The following PPFIBP1 variants were observed in gnomAD, a reference collection of about 807,000 sequenced individuals.
PPFIBP1 encodes the protein PPFIB scaffold protein 1.
PPFIBP1 carries 112 observed loss-of-function variants against 137.8 expected under a neutral mutation model. The ratio of observed to expected loss-of-function variants is 0.81; its 90% CI spans 0.70 to 0.95. The LOEUF is 0.95. Ranked by LOEUF, PPFIBP1 falls within the 40% of genes least tolerant of loss-of-function variation. The pLI is 0.00. For missense variants in PPFIBP1, 1,083 were observed against 1,196.6 expected, an observed-to-expected ratio of 0.91 and a Z score of 1.40; for synonymous variants, 378 against 417.3, an observed-to-expected ratio of 0.91 and a Z score of 1.15.
rs757359273 is a variant in PPFIBP1 at position 27,691,925 on chromosome 12, G to T, written c.2862G>T (p.Glu954Asp). The change falls in exon 28 of 30, where the codon GAG becomes GAT. Residue 954 changes from glutamate to aspartate, a missense_variant. Glu to Asp is a conservative substitution (Grantham distance 45). Coordinates refer to ENST00000228425, the MANE Select transcript of PPFIBP1 (RefSeq NM_003622.4). ...AGGAAGATGATTTGGACCGGTTAGAGCAGGTAAATCCAACACTGTATAACT... is the reference window on the plus strand; with the variant it reads ...AGGAAGATGATTTGGACCGGTTAGATCAGGTAAATCCAACACTGTATAACT... ...LYEEDDLDRL[E>D]QMEDSEGTVR... The T allele has an allele frequency of 2.2e-5, 35 of 1,606,098 alleles. No homozygotes were observed. Among genetic ancestry groups the T allele is most frequent in the Non-Finnish European group, 2.9e-5 (34 of 1,177,200 alleles).
chr12:27,632,971 A>G (rs1592995628), intron 2 of PPFIBP1, among the ~76,000 whole-genome samples: 1 of 152,190 alleles, frequency 6.6e-6, no homozygotes. Flanking sequence ...ACAAAAATAA[A>G]TGAAATTAAG....
Position 27,691,791 on chromosome 12 carries a change from A to G in PPFIBP1, c.2728A>G (p.Lys910Glu), listed in dbSNP as rs1466045039. The G allele has an allele frequency of 1.2e-6, 2 of 1,612,102 alleles. No homozygotes were observed. The highest frequency in any genetic ancestry group is 1.7e-6 in the Non-Finnish European group (2 of 1,179,340). The change falls in exon 28 of 30, where the codon AAG (lysine) becomes GAG (glutamate). Residue 910 changes from lysine (K) to glutamate (E), a missense_variant. Physicochemically the swap from Lys to Glu is moderately conservative, Grantham distance 56 (BLOSUM62 1). Coordinates refer to ENST00000228425, the MANE Select transcript of PPFIBP1 (RefSeq NM_003622.4). ...AFSNFGNLRKKKQEDGEEYVC... is the reference protein window; with the variant it reads ...AFSNFGNLRKEKQEDGEEYVC... Reference sequence around the variant, plus strand: ...TAGCAATTTTGGGAATTTGAGAAAGAAGAAACAGGAAGATGGTGAAGAATA... The same window carrying G: ...TAGCAATTTTGGGAATTTGAGAAAGGAGAAACAGGAAGATGGTGAAGAATA...
chr12:27,605,590 C>T (rs1244214398), intron 2 of PPFIBP1, among the ~76,000 whole-genome samples: 1 of 152,000 alleles, frequency 6.6e-6, no homozygotes, highest in Non-Finnish European at 1.5e-5. Context: ...TATAATTTCA[C>T]TCTAAAATAA....
chr12:27,591,200 T>G (rs1474627387), intron 2 of PPFIBP1, among the ~76,000 whole-genome samples: 1 of 151,166 alleles, frequency 6.6e-6, no homozygotes, highest in African/African-American at 2.4e-5. Context: ...GGAATTGAAA[T>G]TGAGGAAAGG....
At chr12:27,576,309 A>G (rs1179725131) in intron 1 of PPFIBP1, among the ~76,000 whole-genome samples, 2 of 152,340 alleles carry the variant, frequency 1.3e-5, no homozygotes, top group East Asian at 1.9e-4. Context: ...AACCTTGCAC[A>G]TGGAATTCCC....
intron 1 of PPFIBP1, among the ~76,000 whole-genome samples, chr12:27,533,734 G>A (rs908981830): frequency 2.0e-5 from 3 of 152,168 alleles, no homozygotes; most frequent in African/African-American, 4.8e-5. Flanking sequence ...TGAGCTCCCC[G>A]AACAAGAGTA....
chr12:27,573,176 A>G (rs1459926270), intron 1 of PPFIBP1, among the ~76,000 whole-genome samples: 3 of 152,230 alleles, frequency 2.0e-5, no homozygotes, highest in Admixed American at 2.0e-4. Flanking sequence ...ATTTGAAAGA[A>G]TCTGTTATTT....
intron 1 of PPFIBP1, chr12:27,552,645 A>T (rs1565754486): frequency 6.6e-6 from 1 of 152,198 alleles, no homozygotes; most frequent in Non-Finnish European, 1.5e-5. Flanking sequence ...AGACCATCTG[A>T]CAACTCGGAA....
At chr12:27,546,202 T>C (rs1946228719) in intron 1 of PPFIBP1, among the ~76,000 whole-genome samples, 2 of 152,126 alleles carry the variant, frequency 1.3e-5, no homozygotes, top group African/African-American at 2.4e-5. Context: ...CAGATTGTTG[T>C]GGGAAAGAAG....
chr12:27,596,262 T>G (rs1363950753), intron 2 of PPFIBP1, among the ~76,000 whole-genome samples: 1 of 152,226 alleles, frequency 6.6e-6, no homozygotes, highest in Non-Finnish European at 1.5e-5. Context: ...TGACTCAGTC[T>G]CACTTTTTTC....
At chr12:27,674,120 T>G (rs2060360195) in intron 16 of PPFIBP1, 72 bp from the exon 17 acceptor site, 3 of 1,152,286 alleles carry the variant, frequency 2.6e-6, no homozygotes, top group Non-Finnish European at 3.8e-6. Context: ...CTTATGGAGT[T>G]GTATGTGACA....
intron 2 of PPFIBP1, among the ~76,000 whole-genome samples, chr12:27,625,543 T>C (rs2056742080): frequency 6.6e-6 from 1 of 151,742 alleles, no homozygotes; most frequent in Non-Finnish European, 1.5e-5. Flanking sequence ...TTTCCAGTTA[T>C]ATCATCCATT....
intron 7 of PPFIBP1, among the ~76,000 whole-genome samples, chr12:27,654,215 C>T (rs2059056116): frequency 6.6e-6 from 1 of 152,148 alleles, no homozygotes; most frequent in African/African-American, 2.4e-5. Context: ...TCATTTCATT[C>T]TCCCATATTG....
At position 27,679,891 on chromosome 12, in the gene PPFIBP1, C is replaced by T. The variant is rs1271766642; in HGVS notation, c.1767-42C>T. ...ATGTTCTGATTAACAAGTCTAAGGCCTCCTCAGGTCTAATACTGGCCATGT... is the reference window on the plus strand; with the variant it reads ...ATGTTCTGATTAACAAGTCTAAGGCTTCCTCAGGTCTAATACTGGCCATGT... On this transcript the variant is annotated intron_variant, in intron 20 of 29. Coordinates refer to ENST00000228425, the MANE Select transcript of PPFIBP1 (RefSeq NM_003622.4). 3 of 1,608,244 alleles carry T rather than the reference C, an allele frequency of 1.9e-6. No homozygotes were observed. The Admixed American group carries it at 5.0e-5, about 27-fold the overall frequency.
At chr12:27,550,927 T>G (rs1358473739) in intron 1 of PPFIBP1, among the ~76,000 whole-genome samples, 1 of 151,288 alleles carries the variant, frequency 6.6e-6, no homozygotes, top group Admixed American at 6.6e-5. Context: ...ATCACTCACT[T>G]ACTCTGTGGC....
intron 24 of PPFIBP1, among the ~76,000 whole-genome samples, chr12:27,686,002 C>T (rs1422389427): frequency 6.6e-6 from 1 of 152,130 alleles, no homozygotes; most frequent in Non-Finnish European, 1.5e-5. Flanking sequence ...ATTTTAATCA[C>T]ACTGTAAACA....
At chr12:27,586,347 T>C (rs1279457177) in intron 2 of PPFIBP1, among the ~76,000 whole-genome samples, 1 of 152,152 alleles carries the variant, frequency 6.6e-6, no homozygotes, top group Non-Finnish European at 1.5e-5. Flanking sequence ...TGTGCATTAG[T>C]TTAAGAGAGG....
At position 27,649,935 on chromosome 12, in the gene PPFIBP1, GATC is replaced by G. The variant is rs1170976082; in HGVS notation, c.472-72_472-70del. ...CTACTTGATAGGTGCTGCTTTGTGC[GATC>G]ATAAATGAGGTAAATTCACGTGCCT... On this transcript the variant is annotated intron_variant, in intron 6 of 29. Coordinates refer to ENST00000228425, the MANE Select transcript of PPFIBP1 (RefSeq NM_003622.4). The G allele has an allele frequency of 2.9e-6, 4 of 1,372,154 alleles. No individual in the cohort carries two copies. In the African/African-American group the frequency reaches 5.8e-5, roughly 20 times the overall value. 85.0% of individuals were successfully genotyped at this position (1,372,154 alleles called of 1,614,324 possible).
chr12:27,654,973 G>A (rs7979973), intron 8 of PPFIBP1, among the ~76,000 whole-genome samples, 159 bp downstream of exon 8: 122,335 of 152,128 alleles, frequency 0.8, 49,558 homozygotes, highest in East Asian at 1. Context: ...TTGAATTTAA[G>A]CACCACTGAT....
Sources: allele counts gnomAD v4.1 joint callset (sites outside exome capture counted in the v4.1 genomes callset), GRCh38; gene constraint gnomAD v4.1.1; transcripts MANE v1.5; gene names NCBI Gene and HGNC (gene_info 2026-07-23, HGNC 2026-07-21).